VCPIP1: variants seen among roughly 807,000 people sequenced by gnomAD.
The protein encoded by VCPIP1 is valosin containing protein interacting protein 1.
A neutral mutation model predicts 85.0 loss-of-function variants in VCPIP1; 8 were observed. The ratio of observed to expected loss-of-function variants is 0.09; its 90% confidence interval spans 0.06 to 0.17. The LOEUF is 0.17. Among genes scored for constraint, VCPIP1 ranks in the 10% least tolerant of loss-of-function variants. VCPIP1 has a pLI of 1.00. For missense variants in VCPIP1, 1,070 were observed against 1,486.3 expected (o/e 0.72, Z 4.61); for synonymous variants, 543 against 544.5 (o/e 1.00, Z 0.04).
Position 66,664,506 on chromosome 8 carries a change from C to A in VCPIP1, c.2453G>T (p.Arg818Leu). The A allele has an allele frequency of 6.2e-7, 1 of 1,614,136 alleles. No homozygotes were observed. Among genetic ancestry groups the A allele is most frequent in the South Asian group, 1.1e-5 (1 of 91,078 alleles). Residue 818 changes from arginine to leucine, a missense_variant, in exon 1 of 3, where the codon CGA (arginine) becomes CTA (leucine). Coordinates refer to ENST00000310421, the MANE Select transcript of VCPIP1 (RefSeq NM_025054.5). Reference sequence around the variant, plus strand: ...TAACTCTTTAGGAGGAAACCCGTATCGAATACACTGTAAATATGGAGGAAT... The same window carrying A: ...TAACTCTTTAGGAGGAAACCCGTATAGAATACACTGTAAATATGGAGGAAT... ...FNIPPYLQCI[R>L]YGFPPKELMP...
chr8:66,666,521 G>T lies in VCPIP1; in HGVS notation c.438C>A (p.Ala146=), dbSNP rs764691679. ...RYGMDKQTGR[A]KLLRDMNQGE... ...CCTGGTTCATGTCCCGGAGAAGCTT[G>T]GCCCGGCCTGTCTGTTTGTCCATTC... The change falls in exon 1 of 3, where the codon GCC becomes GCA. Residue 146 remains alanine (A), a synonymous_variant. Coordinates refer to ENST00000310421, the MANE Select transcript of VCPIP1 (RefSeq NM_025054.5). This position sits in a 1 kb window ranked among gnomAD's most constrained non-coding sequence, Gnocchi z 6.3. 6.2e-7 allele frequency: 1 copy of T among 1,614,178 alleles called. No homozygotes were observed. The highest frequency in any genetic ancestry group is 1.1e-5 in the South Asian group (1 of 91,078).
chr8:66,640,589 C>T (rs1158272528), intron 2 of VCPIP1, among the ~76,000 whole-genome samples: 1 of 152,200 alleles, frequency 6.6e-6, no homozygotes, highest in Admixed American at 6.5e-5. Context: ...GCCCTGCCCC[C>T]CATCCTGTAC....
At chr8:66,661,711 G>A (rs1308638723) in intron 1 of VCPIP1, among the ~76,000 whole-genome samples, 1 of 151,170 alleles carries the variant, frequency 6.6e-6, no homozygotes, top group Non-Finnish European at 1.5e-5. Context: ...ATTCCAGCCT[G>A]GGCGACAGAG....
chr8:66,645,468 G>A (rs1810986364), intron 2 of VCPIP1, among the ~76,000 whole-genome samples: 1 of 151,928 alleles, frequency 6.6e-6, no homozygotes, highest in Admixed American at 6.6e-5. Flanking sequence ...CTATGTACTA[G>A]AAATGAACAA....
intron 1 of VCPIP1, among the ~76,000 whole-genome samples, chr8:66,658,776 G>A (rs1016434709): frequency 4.6e-5 from 7 of 152,046 alleles, no homozygotes; most frequent in African/African-American, 7.2e-5. Flanking sequence ...GTGAGCCACC[G>A]CACCCAGCCG....
chr8:66,636,218 C>T (rs1194663749), intron 2 of VCPIP1, among the ~76,000 whole-genome samples: 1 of 78,832 alleles, frequency 1.3e-5, no homozygotes. Flanking sequence ...ACCTGGGTGA[C>T]AAAGCAAGAC....
At chr8:66,638,581 C>T (rs1184811492) in intron 2 of VCPIP1, among the ~76,000 whole-genome samples, 2 of 151,664 alleles carry the variant, frequency 1.3e-5, no homozygotes, top group Non-Finnish European at 2.9e-5. Flanking sequence ...AGATCAAGAC[C>T]ATCCTGGCTA....
intron 1 of VCPIP1, among the ~76,000 whole-genome samples, chr8:66,654,746 T>A (rs1460741964): frequency 3.3e-5 from 5 of 152,142 alleles, no homozygotes; most frequent in Non-Finnish European, 7.4e-5. Flanking sequence ...AACGCCCAGG[T>A]TCAATGCCTG....
chr8:66,653,225 T>C (rs1586627113), intron 1 of VCPIP1, among the ~76,000 whole-genome samples: 1 of 129,266 alleles, frequency 7.7e-6, no homozygotes, highest in Admixed American at 7.1e-5. Context: ...AAGTTTAATA[T>C]TAATAAGAGT....
At chr8:66,637,967 G>A (rs192643177) in intron 2 of VCPIP1, among the ~76,000 whole-genome samples, 26 of 152,230 alleles carry the variant, frequency 1.7e-4, no homozygotes, top group African/African-American at 4.3e-4. Flanking sequence ...GCGAGACTCC[G>A]TCTCAAAACG....
intron 1 of VCPIP1, among the ~76,000 whole-genome samples, chr8:66,656,442 C>T (rs1811101220): frequency 6.6e-6 from 1 of 152,168 alleles, no homozygotes; most frequent in Admixed American, 6.5e-5. Flanking sequence ...ATCCTCCTGC[C>T]TTGGCCTCCC....
intron 1 of VCPIP1, among the ~76,000 whole-genome samples, chr8:66,659,484 A>G (rs1478386573): frequency 6.6e-6 from 1 of 152,194 alleles, no homozygotes; most frequent in Non-Finnish European, 1.5e-5. Flanking sequence ...CAAAGTTACT[A>G]GGTTCCATGA....
intron 2 of VCPIP1, among the ~76,000 whole-genome samples, chr8:66,637,345 C>A (rs1355771020): frequency 6.6e-6 from 1 of 151,716 alleles, no homozygotes; most frequent in Non-Finnish European, 1.5e-5. Flanking sequence ...AAGAAACTGT[C>A]TAAAAACAAA....
intron 1 of VCPIP1, among the ~76,000 whole-genome samples, chr8:66,659,702 C>T (rs547481686): frequency 6.6e-6 from 1 of 152,136 alleles, no homozygotes; most frequent in Admixed American, 6.6e-5. Flanking sequence ...GAAGCCGAGG[C>T]GGTGGATTGT....
At chr8:66,651,388 A>G in intron 2 of VCPIP1, 70 bp downstream of exon 2, 1 of 1,189,872 alleles carries the variant, frequency 8.4e-7, no homozygotes. Flanking sequence ...AGAAAACTAT[A>G]TGAACTTTCT....
intron 2 of VCPIP1, among the ~76,000 whole-genome samples, chr8:66,648,361 A>C (rs1053404678): frequency 2.6e-5 from 4 of 152,166 alleles, no homozygotes; most frequent in Non-Finnish European, 5.9e-5. Context: ...ACATGTAATC[A>C]TGAGTGTGGC....
At chr8:66,651,185 CAAAAAA>C (rs896750189) in intron 2 of VCPIP1, among the ~76,000 whole-genome samples, 2 of 51,150 alleles carry the variant, frequency 3.9e-5, no homozygotes, top group South Asian at 6.3e-4. Context: ...AATTCCATCT[CAAAAAA>C]AAAAAAAAAA....
rs1268788921 is a variant in VCPIP1 at position 66,633,846 on chromosome 8, G to A, written c.*655C>T. 1.3e-5 allele frequency: 2 copies of A among 151,898 alleles called. No individual in the cohort carries two copies. The highest frequency in any genetic ancestry group is 2.9e-5 in the Non-Finnish European group (2 of 67,968). The allele number at this position is 151,898 out of a possible 1,614,324, so 9.4% of individuals were successfully genotyped here. A position where few individuals can be genotyped will look rare whatever the true frequency, so the allele number is the denominator to read the frequency against. Reference sequence around the variant, plus strand: ...CACACAATTGGCTGTGGCTCAGACAGCAACACAACTGAATCACATTGACCT... The same window carrying A: ...CACACAATTGGCTGTGGCTCAGACAACAACACAACTGAATCACATTGACCT... On this transcript the variant is annotated 3_prime_UTR_variant, in exon 3 of 3. Transcript: ENST00000310421.
chr8:66,635,207 G>A lies in VCPIP1; in HGVS notation c.2963C>T (p.Ala988Val). Reference sequence around the variant, plus strand: ...TTCCCTACTTCTTGTAGTAGCCTCTGCTCGAACCTGACTTACAGCCTCTTT... The same window carrying A: ...TTCCCTACTTCTTGTAGTAGCCTCTACTCGAACCTGACTTACAGCCTCTTT... ...LVKEAVSQVR[A>V]EATTRSRESS... The change falls in exon 3 of 3, where the codon GCA becomes GTA. Residue 988 changes from alanine to valine, a missense_variant. By Grantham distance (64) the Ala-to-Val change is moderately conservative. Around this residue, in one of 8 missense-constraint regions of VCPIP1, gnomAD observed 255 missense variants for 289.5 expected, o/e 0.88. Coordinates refer to ENST00000310421, the MANE Select transcript of VCPIP1 (RefSeq NM_025054.5). 1.2e-6 allele frequency: 2 copies of A among 1,614,150 alleles called. No homozygotes were observed. Among genetic ancestry groups the A allele is most frequent in the African/African-American group, 1.3e-5 (1 of 75,038 alleles).
Sources: allele counts gnomAD v4.1 joint callset (sites outside exome capture counted in the v4.1 genomes callset), GRCh38; gene constraint gnomAD v4.1.1; regional missense constraint gnomAD v4.1.1; non-coding constraint Gnocchi (gnomAD v3.1); transcripts MANE v1.5; gene names NCBI Gene and HGNC (gene_info 2026-07-23, HGNC 2026-07-21).